The following ANO3 variants were observed in gnomAD, a reference collection of about 807,000 sequenced individuals.
ANO3 encodes the protein anoctamin-3.
Under a neutral mutation model 144.8 loss-of-function variants are expected in ANO3, and 99 were observed. The ratio of observed to expected loss-of-function variants is 0.68; its 90% CI spans 0.58 to 0.81. The LOEUF (loss-of-function observed/expected upper bound fraction) is 0.81. ANO3 is among the 30% of genes least tolerant of loss of function. The pLI is 0.00. For missense variants in ANO3, 905 were observed against 1,202.2 expected (o/e 0.75, Z 3.66); for synonymous variants, 414 against 392.6 (o/e 1.05, Z -0.64).
intron 1 of ANO3, among the ~76,000 whole-genome samples, chr11:26,408,257 T>A (rs1857340497): frequency 2.6e-5 from 4 of 151,368 alleles, no homozygotes; most frequent in Admixed American, 2.6e-4. Context: ...GAATCTACAA[T>A]GAACTCAAAC....
chr11:26,498,722 G>A (rs1180173858), intron 4 of ANO3, among the ~76,000 whole-genome samples: 1 of 151,540 alleles, frequency 6.6e-6, no homozygotes, highest in African/African-American at 2.4e-5. Context: ...AATATTCCCT[G>A]ATCTTTTCTC....
chr11:26,564,606 AAATT>A (rs1850443272), intron 14 of ANO3, among the ~76,000 whole-genome samples: 1 of 148,280 alleles, frequency 6.7e-6, no homozygotes. Flanking sequence ...TCCACATAAT[AAATT>A]GTTTGTGATT....
At chr11:26,578,326 T>C (rs1016140739) in intron 14 of ANO3, among the ~76,000 whole-genome samples, 20 of 152,108 alleles carry the variant, frequency 1.3e-4, no homozygotes, top group African/African-American at 4.6e-4. Flanking sequence ...AATATGGTCC[T>C]AAAGCAGCAA....
At chr11:26,206,243 A>C (rs1851793144) in intron 1 of ANO3, among the ~76,000 whole-genome samples, 1 of 152,166 alleles carries the variant, frequency 6.6e-6, no homozygotes, top group South Asian at 2.1e-4. Flanking sequence ...TTATACTCAA[A>C]ATTTTACCTT....
intron 1 of ANO3, among the ~76,000 whole-genome samples, chr11:26,242,428 C>G (rs1433844765): frequency 6.6e-6 from 1 of 152,164 alleles, no homozygotes; most frequent in African/African-American, 2.4e-5. Context: ...AGGCCTTTCC[C>G]GTTATGAAAT....
At chr11:26,191,344 A>G (rs187169183) in intron 1 of ANO3, among the ~76,000 whole-genome samples, 19 of 151,924 alleles carry the variant, frequency 1.3e-4, no homozygotes, top group Non-Finnish European at 2.6e-4. Context: ...ATACACACAC[A>G]CACACACACA....
intron 15 of ANO3, among the ~76,000 whole-genome samples, 195 bp from the exon 16 acceptor site, chr11:26,598,663 G>A (rs1851708376): frequency 6.6e-6 from 1 of 152,132 alleles, no homozygotes. Flanking sequence ...AATTACATTA[G>A]TGGAAAATTA....
chr11:26,528,858 A>G (rs556484430), intron 7 of ANO3, among the ~76,000 whole-genome samples: 32 of 151,432 alleles, frequency 2.1e-4, no homozygotes, highest in Non-Finnish European at 3.8e-4. Context: ...ATGAGGTGAT[A>G]TTTTATTATT....
At chr11:26,288,117 A>G (rs542459637) in intron 1 of ANO3, 16 of 153,042 alleles carry the variant, frequency 1.0e-4, no homozygotes, top group African/African-American at 3.8e-4. Flanking sequence ...CTTCCTCTGG[A>G]AAATCAGAAT....
intron 3 of ANO3, among the ~76,000 whole-genome samples, chr11:26,452,972 C>A (rs1859005156): frequency 6.6e-6 from 1 of 152,152 alleles, no homozygotes; most frequent in East Asian, 1.9e-4. Flanking sequence ...TCATATCCAG[C>A]TAAACTAAGC....
intron 1 of ANO3, among the ~76,000 whole-genome samples, chr11:26,220,566 T>A (rs1852122084): frequency 6.6e-6 from 1 of 152,204 alleles, no homozygotes; most frequent in South Asian, 2.1e-4. Flanking sequence ...TTGTCTAAAA[T>A]CACCTTCCCA....
chr11:26,460,423 G>A (rs1486283722), intron 3 of ANO3, among the ~76,000 whole-genome samples: 2 of 46,894 alleles, frequency 4.3e-5, no homozygotes, highest in South Asian at 1.7e-3. Context: ...GAAGAAAGGG[G>A]GGGGGGCGGG....
At chr11:26,575,913 A>G (rs151129367) in intron 14 of ANO3, among the ~76,000 whole-genome samples, 5 of 152,346 alleles carry the variant, frequency 3.3e-5, no homozygotes, top group Non-Finnish European at 7.3e-5. Flanking sequence ...CAAAAAAGGT[A>G]GAGGATAGCG....
intron 1 of ANO3, among the ~76,000 whole-genome samples, chr11:26,234,152 G>A (rs1479694593): frequency 6.6e-6 from 1 of 152,094 alleles, no homozygotes; most frequent in Non-Finnish European, 1.5e-5. Flanking sequence ...GTCTTTACAG[G>A]TACAAGTTCT....
At chr11:26,377,156 C>T (rs1450792700) in intron 1 of ANO3, among the ~76,000 whole-genome samples, 2 of 152,176 alleles carry the variant, frequency 1.3e-5, no homozygotes, top group South Asian at 2.1e-4. Context: ...TCTTGAATTT[C>T]CATTAATAAA....
intron 1 of ANO3, among the ~76,000 whole-genome samples, chr11:26,317,047 T>A (rs1854642253): frequency 6.6e-6 from 1 of 152,170 alleles, no homozygotes. Flanking sequence ...GTGTAATAAC[T>A]AATAGCAATC....
At chr11:26,443,704 T>G (rs772887054) in intron 2 of ANO3, 61 bp from the exon 3 acceptor site, 3 of 963,718 alleles carry the variant, frequency 3.1e-6, no homozygotes, top group Non-Finnish European at 4.7e-6. Context: ...ATAACCATGG[T>G]TATTTTTCTG....
intron 10 of ANO3, among the ~76,000 whole-genome samples, chr11:26,538,395 G>T (rs2134198722): frequency 6.6e-6 from 1 of 152,254 alleles, no homozygotes; most frequent in East Asian, 1.9e-4. Context: ...AAATATGTTT[G>T]TGTATTTAAT....
intron 1 of ANO3, among the ~76,000 whole-genome samples, chr11:26,350,213 G>A (rs1183081009): frequency 1.3e-5 from 2 of 152,136 alleles, no homozygotes; most frequent in East Asian, 3.9e-4. Context: ...TAAAAGTCAT[G>A]TCCATTCTCC....
Sources: allele counts gnomAD v4.1 joint callset (sites outside exome capture counted in the v4.1 genomes callset), GRCh38; gene constraint gnomAD v4.1.1; transcripts MANE v1.5; gene names NCBI Gene and HGNC (gene_info 2026-07-23, HGNC 2026-07-21).